Variants in SLC26A11 observed in about 807,000 individuals in gnomAD.
SLC26A11 encodes sodium-independent sulfate anion transporter.
A neutral mutation model predicts 62.2 loss-of-function variants in SLC26A11; 58 were observed. The observed-to-expected ratio is 0.93, with a 90% CI of 0.76 to 1.16. The LOEUF (loss-of-function observed/expected upper bound fraction) is 1.16, where lower values mean the gene tolerates loss of function less well. Ranked by LOEUF, SLC26A11 falls within the 50% of genes most tolerant of loss-of-function variation. SLC26A11 has a pLI of 0.00. For missense variants in SLC26A11, 790 were observed against 794.3 expected (o/e 0.99, Z 0.06); for synonymous variants, 411 against 368.9 (o/e 1.11, Z -1.31).
chr17:80,238,811 G>GGTTTTTTTTT (rs1555629117), intron 9 of SLC26A11, among the ~76,000 whole-genome samples: 23 of 123,260 alleles, frequency 1.9e-4, no homozygotes, highest in African/African-American at 7.9e-4. Context: ...CTTCAAAGGA[G>GGTTTTTTTTT]TTTTTTTTGT....
At position 80,248,143 on chromosome 17, in the gene SLC26A11, G is replaced by T; in HGVS notation, c.1308G>T (p.Leu436=). Residue 436 remains leucine, a synonymous_variant, in exon 14 of 18, where the codon CTG becomes CTT. Coordinates refer to ENST00000361193, the MANE Select transcript of SLC26A11 (RefSeq NM_001166347.2). ...TLWRVKRLDL[L]PLCVTFLLCF... The stretch of plus-strand genomic sequence containing the variant: ...CCCTTCTCCTAGGGCTGGACCTGCT[G>T]CCCCTGTGCGTGACCTTCCTGCTGT... 1 of 1,603,940 alleles carries T rather than the reference G, an allele frequency of 6.2e-7. No homozygotes were observed. The highest frequency in any genetic ancestry group is 8.5e-7 in the Non-Finnish European group (1 of 1,179,684).
intron 7 of SLC26A11, among the ~76,000 whole-genome samples, chr17:80,234,637 C>T (rs562494745): frequency 6.6e-6 from 1 of 152,214 alleles, no homozygotes; most frequent in Non-Finnish European, 1.5e-5. Context: ...TGCAGAATCC[C>T]CTGTCTGTAT....
intron 10 of SLC26A11, among the ~76,000 whole-genome samples, chr17:80,243,869 G>C (rs747156469): frequency 2.0e-5 from 3 of 152,204 alleles, no homozygotes; most frequent in Non-Finnish European, 4.4e-5. Flanking sequence ...TGGCTGACGT[G>C]AGCCCATGAA....
At chr17:80,248,761 TC>T (rs1186319582) in intron 15 of SLC26A11, 87 bp downstream of exon 15, 47 of 1,277,304 alleles carry the variant, frequency 3.7e-5, no homozygotes, top group Non-Finnish European at 5.1e-5. Flanking sequence ...CAAGACCCTG[TC>T]CCCAACGCTC....
Position 80,250,467 on chromosome 17 carries a change from G to A in SLC26A11, c.1657-862G>A, listed in dbSNP as rs909597119. On this transcript the variant is annotated intron_variant, in intron 16 of 17. Coordinates refer to ENST00000361193, the MANE Select transcript of SLC26A11 (RefSeq NM_001166347.2). ...TTTGGGCATGTGCCTTCAGAACTTC[G>A]CTCATAAGTGTTACGTCCTGTGTCA... is the stretch of plus-strand genomic sequence containing the variant. Among the ~76,000 whole-genome samples, 6 of 152,282 alleles carry A rather than the reference G, an allele frequency of 3.9e-5. No individual in the cohort carries two copies. The South Asian group carries it at 6.2e-4, about 16-fold the overall frequency.
At chr17:80,247,193 G>A (rs1047107214) in intron 13 of SLC26A11, among the ~76,000 whole-genome samples, 20 of 152,220 alleles carry the variant, frequency 1.3e-4, no homozygotes, top group Non-Finnish European at 5.9e-5. Flanking sequence ...CCAAGGCAGA[G>A]GAATTTTTCT....
intron 9 of SLC26A11, among the ~76,000 whole-genome samples, chr17:80,237,800 G>A (rs1239889995): frequency 1.3e-5 from 2 of 152,268 alleles, no homozygotes; most frequent in Non-Finnish European, 2.9e-5. Flanking sequence ...ACCCCATGGT[G>A]TGCTGGTGAG....
intron 10 of SLC26A11, among the ~76,000 whole-genome samples, chr17:80,244,220 C>G (rs1167135830): frequency 6.6e-6 from 1 of 152,180 alleles, no homozygotes; most frequent in Non-Finnish European, 1.5e-5. Flanking sequence ...CTGGTGGGAG[C>G]GTGGGTCAAC....
chr17:80,247,120 G>A (rs2043023021), intron 13 of SLC26A11, among the ~76,000 whole-genome samples: 3 of 151,830 alleles, frequency 2.0e-5, no homozygotes, highest in Middle Eastern at 3.4e-3. Flanking sequence ...TTCTTGCAGA[G>A]GGGGATTTGG....
chr17:80,246,542 C>T lies in SLC26A11; in HGVS notation c.1187C>T (p.Thr396Ile), dbSNP rs2043002396. ...GTGCTGCTGTCTCTGGACTACCTGACCTCACTGTTCTACTACATCCCCAAG... is the reference window on the plus strand; with the variant it reads ...GTGCTGCTGTCTCTGGACTACCTGATCTCACTGTTCTACTACATCCCCAAG... ...VLVLLSLDYLTSLFYYIPKSA... is the reference protein window; with the variant it reads ...VLVLLSLDYLISLFYYIPKSA... The change falls in exon 13 of 18, where the codon ACC becomes ATC. Residue 396 changes from threonine (T) to isoleucine (I), a missense_variant. Physicochemically the swap from Thr to Ile is moderately conservative, Grantham distance 89. Coordinates refer to ENST00000361193, the MANE Select transcript of SLC26A11 (RefSeq NM_001166347.2). The surrounding 1 kb of genome is among the most constrained non-coding windows in gnomAD (Gnocchi z 4.4). 1 of 1,613,348 alleles carries T rather than the reference C, an allele frequency of 6.2e-7. No individual in the cohort carries two copies. Among genetic ancestry groups the T allele is most frequent in the South Asian group, 1.1e-5 (1 of 91,088 alleles).
intron 16 of SLC26A11, among the ~76,000 whole-genome samples, chr17:80,249,751 C>CA (rs34836454): frequency 0.03 from 4,603 of 151,132 alleles, 261 homozygotes; most frequent in African/African-American, 0.11. Flanking sequence ...ACTAAAAATA[C>CA]AAAAAAAAAC....
At chr17:80,236,754 C>T in intron 7 of SLC26A11, 174 bp from the exon 8 acceptor site, 2 of 689,820 alleles carry the variant, frequency 2.9e-6, no homozygotes, top group Non-Finnish European at 2.4e-6. Context: ...CCTGCTTATG[C>T]TGCCACATAG....
At chr17:80,245,343 C>T in intron 11 of SLC26A11, 87 bp downstream of exon 11, 6 of 1,377,892 alleles carry the variant, frequency 4.4e-6, no homozygotes, top group Non-Finnish European at 6.2e-6. Context: ...GCCCTGACCC[C>T]GGCGCCCCGT....
At position 80,240,354 on chromosome 17, in the gene SLC26A11, A is replaced by G. The variant is rs981337890; in HGVS notation, c.986-1417A>G. 2.6e-5 allele frequency among the ~76,000 whole-genome samples: 4 copies of G among 151,604 alleles called. No homozygotes were observed. The East Asian group carries it at 7.8e-4, about 30-fold the overall frequency. ...TGTACTCCAGCCTGGGCGACAGAGCAAGACTCCGTCTCAAAAAAAAAAGTT... is the reference window on the plus strand; with the variant it reads ...TGTACTCCAGCCTGGGCGACAGAGCGAGACTCCGTCTCAAAAAAAAAAGTT... On this transcript the variant is annotated intron_variant, in intron 9 of 17. Coordinates refer to ENST00000361193, the MANE Select transcript of SLC26A11 (RefSeq NM_001166347.2).
In SLC26A11 at chr17:80,228,428, G is replaced by A. The variant is rs1013613850; in HGVS notation, c.736+468G>A. Among the ~76,000 whole-genome samples the A allele has an allele frequency of 1.3e-5, 2 of 152,108 alleles. No individual in the cohort carries two copies. The highest frequency in any genetic ancestry group is 2.9e-5 in the Non-Finnish European group (2 of 68,016). On this transcript the variant is annotated intron_variant, in intron 7 of 17. Coordinates refer to ENST00000361193, the MANE Select transcript of SLC26A11 (RefSeq NM_001166347.2). This position sits in a 1 kb window ranked among gnomAD's most constrained non-coding sequence, Gnocchi z 4.1. The stretch of plus-strand genomic sequence containing the variant: ...GATTACAGGCATGAGCCACCGCCCC[G>A]ACCCAAACTCTAGAACATTTAAAAC...
chr17:80,245,329 G>C, intron 11 of SLC26A11, 73 bp downstream of exon 11: 1 of 1,519,848 alleles, frequency 6.6e-7, no homozygotes, highest in East Asian at 2.3e-5. Context: ...CAAGGAGTCT[G>C]CCTGCCCTGA....
chr17:80,252,573 A>G lies in SLC26A11; in HGVS notation c.1730-52A>G. On this transcript the variant is annotated intron_variant, in intron 17 of 17. Coordinates refer to ENST00000361193, the MANE Select transcript of SLC26A11 (RefSeq NM_001166347.2). This position sits in a 1 kb window ranked among gnomAD's most constrained non-coding sequence, Gnocchi z 5.2. Reference sequence around the variant, plus strand: ...TTAATCCCTTCCTGTGAACTGACCCATCCTCACTTCTGAGCTTTTAGTGCT... The same window carrying G: ...TTAATCCCTTCCTGTGAACTGACCCGTCCTCACTTCTGAGCTTTTAGTGCT... 6.4e-7 allele frequency: 1 copy of G among 1,567,348 alleles called. No individual in the cohort carries two copies. The highest frequency in any genetic ancestry group is 1.4e-5 in the African/African-American group (1 of 74,006).
chr17:80,249,780 A>G (rs1270202127), intron 16 of SLC26A11, among the ~76,000 whole-genome samples: 5 of 152,004 alleles, frequency 3.3e-5, no homozygotes, highest in African/African-American at 7.3e-5. Context: ...TGTGGTGGCG[A>G]GCGCCTGTAA....
intron 6 of SLC26A11, 139 bp downstream of exon 6, chr17:80,226,055 C>T: frequency 1.5e-6 from 1 of 682,032 alleles, no homozygotes; most frequent in Non-Finnish European, 2.5e-6. Context: ...GCAGCACCTG[C>T]AAGCTGGCAA....
Sources: gnomAD v4.1 joint callset for allele counts (sites outside exome capture counted in the v4.1 genomes callset) on GRCh38, gnomAD v4.1.1 for gene constraint, Gnocchi (gnomAD v3.1) non-coding constraint, MANE v1.5 for transcripts, NCBI Gene and HGNC (gene_info 2026-07-23, HGNC 2026-07-21) for gene names.